The following DERA variants were observed in gnomAD, a reference collection of about 807,000 sequenced individuals.
The protein encoded by DERA is 2-deoxy-D-ribose 5-phosphate aldolase.
A neutral mutation model predicts 41.1 loss-of-function variants in DERA; 15 were observed. The ratio of observed to expected loss-of-function variants is 0.37; its 90% CI spans 0.24 to 0.56. The LOEUF (loss-of-function observed/expected upper bound fraction) is 0.56. Among genes scored for constraint, DERA ranks in the 20% least tolerant of loss-of-function variants. DERA has a pLI of 0.81. For missense variants in DERA, 396 were observed against 403.4 expected, an observed-to-expected ratio of 0.98 and a Z score of 0.16; for synonymous variants, 139 against 137.4, an observed-to-expected ratio of 1.01 and a Z score of -0.08.
chr12:15,947,761 CT>C (rs1377859937), intron 1 of DERA, among the ~76,000 whole-genome samples: 1 of 152,126 alleles, frequency 6.6e-6, no homozygotes. Context: ...ATGATGTTAG[CT>C]GGTTATTTTG....
intron 3 of DERA, among the ~76,000 whole-genome samples, chr12:15,958,721 T>G (rs908222562): frequency 1.3e-5 from 2 of 152,220 alleles, no homozygotes; most frequent in African/African-American, 4.8e-5. Flanking sequence ...GTATTTTCTG[T>G]GAGTATATGA....
chr12:15,976,840 T>C lies in DERA; in HGVS notation c.509-5468T>C, dbSNP rs2136158724. 6.6e-6 allele frequency among the ~76,000 whole-genome samples: 1 copy of C among 152,100 alleles called. No individual in the cohort carries two copies. Among genetic ancestry groups the C allele is most frequent in the African/African-American group, 2.4e-5 (1 of 41,424 alleles). On this transcript the variant is annotated intron_variant, in intron 5 of 8. Coordinates refer to ENST00000428559, the MANE Select transcript of DERA (RefSeq NM_015954.4). This position sits in a 1 kb window ranked among gnomAD's most constrained non-coding sequence, Gnocchi z 4.1. ...GAAGCTTGGAGAGGTTCAGTAACTT[T>C]CCCAAGTAACACCACTAATCAGCGG...
In DERA at chr12:15,935,278, G is replaced by A. The variant is rs1162600651; in HGVS notation, c.32-21658G>A. Among the ~76,000 whole-genome samples, 1 of 152,074 alleles carries A rather than the reference G, an allele frequency of 6.6e-6. No individual in the cohort carries two copies. Among genetic ancestry groups the A allele is most frequent in the African/African-American group, 2.4e-5 (1 of 41,396 alleles). On this transcript the variant is annotated intron_variant, in intron 1 of 8. Coordinates refer to ENST00000428559, the MANE Select transcript of DERA (RefSeq NM_015954.4). The surrounding 1 kb of genome is among the most constrained non-coding windows in gnomAD (Gnocchi z 4.8). ...GAGGTGGGTGGATCACTTGAGCCCA[G>A]GAGTTCAAGACCACCCTGGGCAACA...
At position 15,992,609 on chromosome 12, in the gene DERA, A is replaced by G. The variant is rs1377435479; in HGVS notation, c.637+10173A>G. Among the ~76,000 whole-genome samples the G allele has an allele frequency of 6.6e-6, 1 of 152,174 alleles. No homozygotes were observed. Among genetic ancestry groups the G allele is most frequent in the African/African-American group, 2.4e-5 (1 of 41,438 alleles). On this transcript the variant is annotated intron_variant, in intron 6 of 8. Transcript: ENST00000428559. This position sits in a 1 kb window ranked among gnomAD's most constrained non-coding sequence, Gnocchi z 4.3. Reference sequence around the variant, plus strand: ...CAAACAATTTGAAGGGAGTATAATCAGAGAAGAAAAAAGAGAGCTATACTT... The same window carrying G: ...CAAACAATTTGAAGGGAGTATAATCGGAGAAGAAAAAAGAGAGCTATACTT...
rs1222718359 is a variant in DERA, at chr12:16,001,825, T to C, written c.637+19389T>C. Among the ~76,000 whole-genome samples the C allele has an allele frequency of 6.6e-6, 1 of 152,108 alleles. No individual in the cohort carries two copies. The highest frequency in any genetic ancestry group is 1.5e-5 in the Non-Finnish European group (1 of 68,028). On this transcript the variant is annotated intron_variant, in intron 6 of 8. Transcript: ENST00000428559. The surrounding 1 kb of genome is among the most constrained non-coding windows in gnomAD (Gnocchi z 4.1). Reference sequence around the variant, plus strand: ...GGCAGGCACACTAGACGAAGCAGCATTTTGCTGGAGACTTTGTTGAGAATT... The same window carrying C: ...GGCAGGCACACTAGACGAAGCAGCACTTTGCTGGAGACTTTGTTGAGAATT...
At chr12:16,007,185 T>TG (rs1948916960) in intron 6 of DERA, among the ~76,000 whole-genome samples, 5 of 148,516 alleles carry the variant, frequency 3.4e-5, no homozygotes, top group African/African-American at 1.0e-4. Flanking sequence ...GTTTTTTTTT[T>TG]TTTGTTTTTT....
At position 15,981,396 on chromosome 12, in the gene DERA, C is replaced by T. The variant is rs557247149; in HGVS notation, c.509-912C>T. 2.6e-5 allele frequency among the ~76,000 whole-genome samples: 4 copies of T among 152,188 alleles called. No homozygotes were observed. The highest frequency in any genetic ancestry group is 1.3e-4 in the Admixed American group (2 of 15,272). ...AAAAACCTACTTCCTATGAAAGATA[C>T]TCAAATACAAAGGAAAGAAAAAGCC... On this transcript the variant is annotated intron_variant, in intron 5 of 8. Coordinates refer to ENST00000428559, the MANE Select transcript of DERA (RefSeq NM_015954.4). The surrounding 1 kb of genome is among the most constrained non-coding windows in gnomAD (Gnocchi z 6.1).
At chr12:16,032,963 T>G in intron 7 of DERA, 1 of 276,326 alleles carries the variant, frequency 3.6e-6, no homozygotes, top group South Asian at 4.1e-5. Flanking sequence ...TTTAACGAAC[T>G]AATTCTGCTG....
In DERA at chr12:15,950,699, A is replaced by G. The variant is rs562645632; in HGVS notation, c.32-6237A>G. ...ACGTGGGGTCCTGCTCAAATGTTTT[A>G]TTATCAGATTTTCCTGGCTCATGCC... On this transcript the variant is annotated intron_variant, in intron 1 of 8. Transcript: ENST00000428559. 8.5e-5 allele frequency among the ~76,000 whole-genome samples: 13 copies of G among 152,218 alleles called. No homozygotes were observed. The South Asian group carries it at 2.7e-3, about 32-fold the overall frequency.
Position 15,995,402 on chromosome 12 carries a change from A to G in DERA, c.637+12966A>G, listed in dbSNP as rs1948830199. 6.6e-6 allele frequency among the ~76,000 whole-genome samples: 1 copy of G among 152,070 alleles called. No individual in the cohort carries two copies. The highest frequency in any genetic ancestry group is 6.6e-5 in the Admixed American group (1 of 15,262). On this transcript the variant is annotated intron_variant, in intron 6 of 8. Coordinates refer to ENST00000428559, the MANE Select transcript of DERA (RefSeq NM_015954.4). The surrounding 1 kb of genome is among the most constrained non-coding windows in gnomAD (Gnocchi z 5.1). ...AAGGTAGGGTGCCCAGAGCTAAAAG[A>G]TCTCTTCTCAGGCTGCTTCCACTGT...
intron 6 of DERA, among the ~76,000 whole-genome samples, chr12:16,030,597 A>C (rs1458598534): frequency 6.6e-6 from 1 of 151,974 alleles, no homozygotes; most frequent in Non-Finnish European, 1.5e-5. Context: ...TTCAATCTCT[A>C]TTTGGATTTG....
chr12:15,997,543 T>C (rs1449413840), intron 6 of DERA, among the ~76,000 whole-genome samples: 2 of 152,216 alleles, frequency 1.3e-5, no homozygotes, highest in Non-Finnish European at 2.9e-5. Flanking sequence ...CTTGAAATCA[T>C]CAGCTTATTC....
intron 6 of DERA, among the ~76,000 whole-genome samples, chr12:16,023,900 A>G (rs919466487): frequency 2.6e-5 from 4 of 152,214 alleles, no homozygotes; most frequent in African/African-American, 9.6e-5. Context: ...TTAATGAAAA[A>G]ACAGACAACA....
chr12:16,022,952 G>T (rs1025526533), intron 6 of DERA, among the ~76,000 whole-genome samples: 1 of 152,124 alleles, frequency 6.6e-6, no homozygotes. Flanking sequence ...TGTGCAATAT[G>T]CCCAGCATAT....
chr12:15,951,178 G>A (rs569281488), intron 1 of DERA, among the ~76,000 whole-genome samples: 88 of 152,244 alleles, frequency 5.8e-4, no homozygotes, highest in Non-Finnish European at 1.2e-3. Context: ...CCATGGGTAG[G>A]AGCACAGCTA....
chr12:15,961,596 A>G (rs536384211), intron 4 of DERA, among the ~76,000 whole-genome samples: 131 of 152,352 alleles, frequency 8.6e-4, no homozygotes, highest in African/African-American at 3.0e-3. Flanking sequence ...CACAGTATTT[A>G]TATAGAATTG....
chr12:15,943,589 A>C lies in DERA; in HGVS notation c.32-13347A>C, dbSNP rs965918213. Among the ~76,000 whole-genome samples, 6 of 152,108 alleles carry C rather than the reference A, an allele frequency of 3.9e-5. No homozygotes were observed. The highest frequency in any genetic ancestry group is 3.9e-4 in the Admixed American group (6 of 15,262). On this transcript the variant is annotated intron_variant, in intron 1 of 8. Transcript: ENST00000428559. This position sits in a 1 kb window ranked among gnomAD's most constrained non-coding sequence, Gnocchi z 4.5. ...TGTATTTTATATTGCCACACAGTAC[A>C]TGCCACACAGTACACACGGGTTTGA...
At position 16,036,852 on chromosome 12, in the gene DERA, G is replaced by A. The variant is rs1262939278; in HGVS notation, c.*106G>A. 2.5e-6 allele frequency: 2 copies of A among 796,386 alleles called. No individual in the cohort carries two copies. Among genetic ancestry groups the A allele is most frequent in the East Asian group, 5.7e-5 (2 of 35,162 alleles). The allele number at this position is 796,386 out of a possible 1,614,324, so 49.3% of individuals were successfully genotyped here. A position where few individuals can be genotyped will look rare whatever the true frequency, so the allele number is the denominator to read the frequency against. ...TAAAAAATTGGGCAGTAGGTAACTGGCATTCCTCTCTTTAAAATTTCTACC... is the reference window on the plus strand; with the variant it reads ...TAAAAAATTGGGCAGTAGGTAACTGACATTCCTCTCTTTAAAATTTCTACC... On this transcript the variant is annotated 3_prime_UTR_variant, in exon 9 of 9. Transcript: ENST00000428559. This position sits in a 1 kb window ranked among gnomAD's most constrained non-coding sequence, Gnocchi z 4.9.
Position 16,021,094 on chromosome 12 carries a change from T to G in DERA, c.638-11448T>G, listed in dbSNP as rs558993229. Among the ~76,000 whole-genome samples the G allele has an allele frequency of 2.6e-5, 4 of 152,354 alleles. No homozygotes were observed. In the East Asian group the frequency reaches 7.7e-4, roughly 29 times the overall value. ...GCAACTGCTTGCTAGAGAGATTAGC[T>G]TGTCTAAAAGGGAGCCAAGTGCTCA... On this transcript the variant is annotated intron_variant, in intron 6 of 8. Coordinates refer to ENST00000428559, the MANE Select transcript of DERA (RefSeq NM_015954.4). The surrounding 1 kb of genome is among the most constrained non-coding windows in gnomAD (Gnocchi z 5.3).
Sources: allele counts gnomAD v4.1 joint callset (sites outside exome capture counted in the v4.1 genomes callset), GRCh38; gene constraint gnomAD v4.1.1; non-coding constraint Gnocchi (gnomAD v3.1); transcripts MANE v1.5; gene names NCBI Gene and HGNC (gene_info 2026-07-23, HGNC 2026-07-21).